PLCL1: variants seen among roughly 807,000 people sequenced by gnomAD.
PLCL1 encodes phospholipase C like 1 (inactive).
PLCL1 carries 41 observed loss-of-function variants against 84.4 expected under a neutral mutation model. The ratio of observed to expected loss-of-function variants is 0.49; its 90% CI spans 0.38 to 0.63. The LOEUF (loss-of-function observed/expected upper bound fraction) is 0.63. Among genes scored for constraint, PLCL1 ranks in the 30% least tolerant of loss-of-function variants. The probability of loss-of-function intolerance (pLI) is 0.00; values close to 1 mark genes in which losing one functional copy is unlikely to be tolerated. For missense variants in PLCL1, 1,206 were observed against 1,367.8 expected, an observed-to-expected ratio of 0.88 and a Z score of 1.87; for synonymous variants, 490 against 488.3, an observed-to-expected ratio of 1.00 and a Z score of -0.05.
chr2:198,088,799 G>T lies in PLCL1; in HGVS notation c.2716-59G>T. ...AATGTACTTTTCTGTAAACCTGGGAGTGCTGGCGGTGATGTGTCAGGTGGT... is the reference window on the plus strand; with the variant it reads ...AATGTACTTTTCTGTAAACCTGGGATTGCTGGCGGTGATGTGTCAGGTGGT... On this transcript the variant is annotated intron_variant, in intron 2 of 5. Coordinates refer to ENST00000428675, the MANE Select transcript of PLCL1 (RefSeq NM_006226.4). 3 of 940,944 alleles carry T rather than the reference G, an allele frequency of 3.2e-6. No individual in the cohort carries two copies. The South Asian group carries it at 3.9e-5, about 12-fold the overall frequency. 58.3% of individuals were successfully genotyped at this position (940,944 alleles called of 1,614,324 possible).
intron 1 of PLCL1, among the ~76,000 whole-genome samples, chr2:198,020,693 GC>G (rs1691112962): frequency 6.6e-6 from 1 of 152,130 alleles, no homozygotes; most frequent in Admixed American, 6.6e-5. Context: ...AACAAGAGGA[GC>G]TAACTAGCCT....
chr2:198,082,693 A>G (rs879744438), intron 1 of PLCL1, among the ~76,000 whole-genome samples: 1 of 152,264 alleles, frequency 6.6e-6, no homozygotes, highest in Middle Eastern at 3.4e-3. Context: ...TTCAGTGTAA[A>G]TGAATTGGGA....
intron 1 of PLCL1, among the ~76,000 whole-genome samples, chr2:198,052,493 C>T (rs982788220): frequency 2.6e-5 from 4 of 151,056 alleles, no homozygotes; most frequent in African/African-American, 7.3e-5. Context: ...GGTATGAGTT[C>T]ACTCTGTTTT....
intron 5 of PLCL1, among the ~76,000 whole-genome samples, chr2:198,126,867 C>A (rs1387148843): frequency 6.6e-6 from 1 of 152,088 alleles, no homozygotes. Context: ...TGCACCTCTG[C>A]ACATCGGCCT....
chr2:198,100,914 A>G (rs937824566), intron 3 of PLCL1, among the ~76,000 whole-genome samples: 4 of 151,996 alleles, frequency 2.6e-5, no homozygotes, highest in African/African-American at 9.7e-5. Context: ...TCTCATTGCT[A>G]TTATGTTCCA....
chr2:198,091,508 C>T (rs1022063360), intron 3 of PLCL1, among the ~76,000 whole-genome samples: 1 of 151,386 alleles, frequency 6.6e-6, no homozygotes, highest in Non-Finnish European at 1.5e-5. Flanking sequence ...AGTGAAACCC[C>T]GTCTCTACTA....
intron 3 of PLCL1, among the ~76,000 whole-genome samples, chr2:198,096,580 C>G (rs370296706): frequency 1.3e-5 from 2 of 152,026 alleles, no homozygotes; most frequent in African/African-American, 4.8e-5. Context: ...AAGAAATAAG[C>G]CCAAAGCATT....
chr2:197,857,741 G>A (rs1687356210), intron 1 of PLCL1, among the ~76,000 whole-genome samples: 1 of 152,122 alleles, frequency 6.6e-6, no homozygotes, highest in African/African-American at 2.4e-5. Context: ...GCATAAGCAA[G>A]TTTATATATG....
intron 1 of PLCL1, among the ~76,000 whole-genome samples, chr2:198,018,800 G>A (rs1336736509): frequency 1.3e-5 from 2 of 152,184 alleles, no homozygotes; most frequent in Non-Finnish European, 2.9e-5. Context: ...GGCTGTAGGC[G>A]CAGCTTCAGC....
At chr2:197,849,844 A>G (rs1211422855) in intron 1 of PLCL1, among the ~76,000 whole-genome samples, 2 of 152,160 alleles carry the variant, frequency 1.3e-5, no homozygotes, top group East Asian at 1.9e-4. Context: ...GCAAGAGGCA[A>G]TCTCTCTGGG....
chr2:197,896,788 T>C (rs1688143560), intron 1 of PLCL1, among the ~76,000 whole-genome samples: 1 of 152,044 alleles, frequency 6.6e-6, no homozygotes, highest in Non-Finnish European at 1.5e-5. Context: ...TGGTGGCTTT[T>C]TTCCAGATAG....
chr2:198,047,692 G>T (rs1399152952), intron 1 of PLCL1, among the ~76,000 whole-genome samples: 2 of 152,124 alleles, frequency 1.3e-5, no homozygotes, highest in Admixed American at 6.5e-5. Context: ...ATCTTGGAAG[G>T]GGCACTAGAA....
chr2:197,865,691 G>T (rs1209482956), intron 1 of PLCL1, among the ~76,000 whole-genome samples: 1 of 152,058 alleles, frequency 6.6e-6, no homozygotes, highest in East Asian at 1.9e-4. Context: ...AAGCTCACGC[G>T]TCAAATGATG....
In PLCL1 at chr2:197,907,178, T is replaced by C. The variant is rs373652771; in HGVS notation, c.240+101839T>C. On this transcript the variant is annotated intron_variant, in intron 1 of 5. Transcript: ENST00000428675. ...CTCCTATTCAACATAGTATTGGAAG[T>C]TCTGGCCAGGGCAATCAGGCAAGAG... is the stretch of plus-strand genomic sequence containing the variant. 4.4e-3 allele frequency among the ~76,000 whole-genome samples: 670 copies of C among 152,302 alleles called. 5 individuals are homozygous for C. Among genetic ancestry groups the C allele is most frequent in the African/African-American group, 0.015 (633 of 41,568 alleles).
rs77144672 is a variant in PLCL1 at position 197,989,191 on chromosome 2, T to C, written c.241-94567T>C. On this transcript the variant is annotated intron_variant, in intron 1 of 5. Coordinates refer to ENST00000428675, the MANE Select transcript of PLCL1 (RefSeq NM_006226.4). The stretch of plus-strand genomic sequence containing the variant: ...TTATTACTATTCATTCATTCATTCA[T>C]TCAGTAATTATTTATAGAAGTTTGC... 9.3e-3 allele frequency among the ~76,000 whole-genome samples: 1,411 copies of C among 152,332 alleles called. 22 individuals are homozygous for C. The highest frequency in any genetic ancestry group is 0.032 in the African/African-American group (1,337 of 41,574).
chr2:197,903,277 G>A (rs983426328), intron 1 of PLCL1, among the ~76,000 whole-genome samples: 1 of 152,132 alleles, frequency 6.6e-6, no homozygotes, highest in East Asian at 1.9e-4. Context: ...CTATGCAAAC[G>A]CATGGATTTG....
intron 1 of PLCL1, among the ~76,000 whole-genome samples, chr2:197,890,132 T>C (rs1183216528): frequency 6.6e-6 from 1 of 152,188 alleles, no homozygotes; most frequent in African/African-American, 2.4e-5. Context: ...TGAAATGAGT[T>C]TGGAAGCTGA....
chr2:198,032,177 C>G (rs1691443486), intron 1 of PLCL1, among the ~76,000 whole-genome samples: 1 of 152,182 alleles, frequency 6.6e-6, no homozygotes, highest in South Asian at 2.1e-4. Context: ...ATCAATCTGT[C>G]TGTGTGCTAG....
intron 1 of PLCL1, among the ~76,000 whole-genome samples, chr2:198,000,130 A>G (rs531069073): frequency 6.6e-6 from 1 of 152,234 alleles, no homozygotes; most frequent in South Asian, 2.1e-4. Context: ...AGTGTATCTT[A>G]AATTACCTAA....
Sources: allele counts gnomAD v4.1 joint callset (sites outside exome capture counted in the v4.1 genomes callset), GRCh38; gene constraint gnomAD v4.1.1; transcripts MANE v1.5; gene names NCBI Gene and HGNC (gene_info 2026-07-23, HGNC 2026-07-21).